The following LRRC7 variants were observed in gnomAD, a reference collection of about 807,000 sequenced individuals.
The protein encoded by LRRC7 is leucine-rich repeat-containing protein 7.
LRRC7 carries 23 observed loss-of-function variants against 175.7 expected under a neutral mutation model. That is an observed-to-expected ratio of 0.13 (90% CI 0.09 to 0.19). The LOEUF is 0.19. Among genes scored for constraint, LRRC7 ranks in the 10% least tolerant of loss-of-function variants. The pLI is 1.00. For missense variants in LRRC7, 1,354 were observed against 1,904.7 expected, an observed-to-expected ratio of 0.71 and a Z score of 5.38; for synonymous variants, 685 against 680.9, an observed-to-expected ratio of 1.01 and a Z score of -0.09.
intron 1 of LRRC7, among the ~76,000 whole-genome samples, chr1:69,608,862 CTCTCTATATATA>C (rs1325206814): frequency 0.015 from 335 of 22,036 alleles, no homozygotes; most frequent in African/African-American, 0.027. Flanking sequence ...CTCTCTCTCT[CTCTCTATATATA>C]TATATATATA....
intron 25 of LRRC7, among the ~76,000 whole-genome samples, chr1:70,097,395 T>G (rs920696893): frequency 6.6e-6 from 1 of 152,284 alleles, no homozygotes; most frequent in Middle Eastern, 3.4e-3. Context: ...ACAAACAATT[T>G]TTCACTTCAA....
intron 25 of LRRC7, 102 bp downstream of exon 25, chr1:70,089,921 T>G: frequency 1.2e-6 from 1 of 815,806 alleles, no homozygotes; most frequent in Non-Finnish European, 1.9e-6. Flanking sequence ...TGTGTTTTCA[T>G]GAGCTAGTTA....
At chr1:69,702,752 T>C (rs1163463927) in intron 2 of LRRC7, among the ~76,000 whole-genome samples, 2 of 152,106 alleles carry the variant, frequency 1.3e-5, no homozygotes, top group African/African-American at 4.8e-5. Flanking sequence ...TTTGATTGAA[T>C]ATACAATTCT....
At chr1:70,084,461 A>T (rs971842857) in intron 24 of LRRC7, among the ~76,000 whole-genome samples, 3 of 152,186 alleles carry the variant, frequency 2.0e-5, no homozygotes, top group Non-Finnish European at 2.9e-5. Context: ...AAGGAACTGA[A>T]TGTAGCATGT....
intron 7 of LRRC7, among the ~76,000 whole-genome samples, chr1:69,910,028 C>T (rs1490189383): frequency 6.6e-6 from 1 of 152,144 alleles, no homozygotes; most frequent in African/African-American, 2.4e-5. Context: ...ATTTCGTCTT[C>T]CATCACTGAT....
chr1:69,629,397 A>G (rs1398610470), intron 1 of LRRC7, among the ~76,000 whole-genome samples: 1 of 152,198 alleles, frequency 6.6e-6, no homozygotes, highest in Non-Finnish European at 1.5e-5. Flanking sequence ...AAATATTTAT[A>G]GTATTTAGAC....
At chr1:69,967,668 C>A (rs970504930) in intron 8 of LRRC7, among the ~76,000 whole-genome samples, 1 of 152,190 alleles carries the variant, frequency 6.6e-6, no homozygotes, top group African/African-American at 2.4e-5. Context: ...CAGAGCCTGG[C>A]AGACTTGCTG....
At chr1:70,083,201 A>G (rs1663356735) in intron 24 of LRRC7, among the ~76,000 whole-genome samples, 1 of 152,212 alleles carries the variant, frequency 6.6e-6, no homozygotes, top group East Asian at 1.9e-4. Context: ...AATATTAATT[A>G]TCCTTGAATA....
chr1:69,687,036 T>C (rs1740896), intron 2 of LRRC7, among the ~76,000 whole-genome samples: 108,765 of 152,006 alleles, frequency 0.72, 39,320 homozygotes, highest in African/African-American at 0.79. Flanking sequence ...GAGGACTTAA[T>C]AATCATGAAA....
At chr1:69,927,035 TGTAAA>T (rs1431685854) in intron 7 of LRRC7, among the ~76,000 whole-genome samples, 1 of 152,228 alleles carries the variant, frequency 6.6e-6, no homozygotes, top group African/African-American at 2.4e-5. Context: ...TTTGCTTGTC[TGTAAA>T]GTATTTTATT....
intron 9 of LRRC7, among the ~76,000 whole-genome samples, 186 bp downstream of exon 9, chr1:69,980,639 T>C (rs1426825168): frequency 6.6e-6 from 1 of 152,056 alleles, no homozygotes; most frequent in African/African-American, 2.4e-5. Flanking sequence ...TTTTTGTGAG[T>C]GTTATAGGTA....
At chr1:69,733,761 G>A (rs968558709) in intron 2 of LRRC7, among the ~76,000 whole-genome samples, 1 of 151,906 alleles carries the variant, frequency 6.6e-6, no homozygotes, top group African/African-American at 2.4e-5. Context: ...GAAAAACAGT[G>A]CCTTTGCTAA....
At chr1:69,960,278 G>A (rs1650915711) in intron 8 of LRRC7, among the ~76,000 whole-genome samples, 1 of 152,036 alleles carries the variant, frequency 6.6e-6, no homozygotes, top group Admixed American at 6.6e-5. Flanking sequence ...GCTTAGAGAT[G>A]TTTATAATTT....
chr1:70,098,147 T>C (rs1268763136), intron 25 of LRRC7, among the ~76,000 whole-genome samples: 4 of 152,182 alleles, frequency 2.6e-5, no homozygotes, highest in African/African-American at 9.7e-5. Flanking sequence ...TTTGAATGAT[T>C]GCCATTCTAC....
intron 23 of LRRC7, among the ~76,000 whole-genome samples, chr1:70,061,293 T>C (rs1661558012): frequency 6.6e-6 from 1 of 152,176 alleles, no homozygotes; most frequent in African/African-American, 2.4e-5. Flanking sequence ...CAAACAGCTT[T>C]CTAAATGCTA....
At chr1:70,092,711 G>T (rs1290770627) in intron 25 of LRRC7, among the ~76,000 whole-genome samples, 2 of 152,062 alleles carry the variant, frequency 1.3e-5, no homozygotes, top group African/African-American at 4.8e-5. Flanking sequence ...GAACTATATT[G>T]TTCGGTCTGG....
intron 25 of LRRC7, among the ~76,000 whole-genome samples, chr1:70,096,660 G>A (rs181249390): frequency 4.6e-5 from 7 of 151,850 alleles, no homozygotes; most frequent in Middle Eastern, 3.4e-3. Context: ...GACTCAGAAC[G>A]ACTAACTTAA....
chr1:69,908,628 C>T (rs1244946266), intron 7 of LRRC7, among the ~76,000 whole-genome samples: 6 of 149,826 alleles, frequency 4.0e-5, no homozygotes, highest in African/African-American at 1.5e-4. Context: ...GTCTGAGAGA[C>T]AGTTTGTTAT....
At chr1:69,877,942 G>A (rs1430361016) in intron 7 of LRRC7, among the ~76,000 whole-genome samples, 5 of 152,140 alleles carry the variant, frequency 3.3e-5, no homozygotes, top group Non-Finnish European at 1.5e-5. Context: ...TGATAAGGAT[G>A]TGGTGTGAGA....
Sources: allele counts gnomAD v4.1 joint callset (sites outside exome capture counted in the v4.1 genomes callset), GRCh38; gene constraint gnomAD v4.1.1; transcripts MANE v1.5; gene names NCBI Gene and HGNC (gene_info 2026-07-23, HGNC 2026-07-21).